GAB1: variants seen among roughly 807,000 people sequenced by gnomAD.
GAB1 encodes GRB2-associated-binding protein 1.
A neutral mutation model predicts 66.5 loss-of-function variants in GAB1; 19 were observed. That is an observed-to-expected ratio of 0.29 (90% CI 0.20 to 0.42). GAB1 has a LOEUF of 0.42. GAB1 is among the 10% of genes least tolerant of loss of function. GAB1 has a pLI of 1.00. For synonymous variants in GAB1, 294 were observed against 301.4 expected (o/e 0.98, Z 0.25); for missense variants, 732 against 858.5 (o/e 0.85, Z 1.84).
At chr4:143,417,774 A>G (rs888258979) in intron 2 of GAB1, among the ~76,000 whole-genome samples, 1 of 152,166 alleles carries the variant, frequency 6.6e-6, no homozygotes, top group Non-Finnish European at 1.5e-5. Context: ...ACAAACGCTC[A>G]ACATGTAGGT....
At chr4:143,383,877 C>A (rs1730766108) in intron 1 of GAB1, among the ~76,000 whole-genome samples, 1 of 152,070 alleles carries the variant, frequency 6.6e-6, no homozygotes, top group Non-Finnish European at 1.5e-5. Flanking sequence ...GAGTTCGAGA[C>A]CAGCTTGGTC....
intron 1 of GAB1, among the ~76,000 whole-genome samples, chr4:143,347,369 A>T (rs1729022724): frequency 6.6e-6 from 1 of 152,232 alleles, no homozygotes; most frequent in Non-Finnish European, 1.5e-5. Context: ...GATTTGCATT[A>T]CAAAAACAAT....
At chr4:143,439,982 G>A in intron 5 of GAB1, 95 bp downstream of exon 5, 1 of 1,405,610 alleles carries the variant, frequency 7.1e-7, no homozygotes, top group Non-Finnish European at 1.0e-6. Context: ...TGAAATAAAA[G>A]TACGCTGAGA....
At chr4:143,357,893 A>C (rs1004823222) in intron 1 of GAB1, among the ~76,000 whole-genome samples, 1 of 151,976 alleles carries the variant, frequency 6.6e-6, no homozygotes, top group Non-Finnish European at 1.5e-5. Context: ...AATTATCAGA[A>C]AGAGGGAAGA....
intron 3 of GAB1, among the ~76,000 whole-genome samples, chr4:143,436,734 A>G (rs1733960541): frequency 1.3e-5 from 2 of 152,208 alleles, no homozygotes; most frequent in South Asian, 4.1e-4. Flanking sequence ...CAGTCAACTT[A>G]AGAAGTAAAT....
chr4:143,338,274 AT>A (rs1157203613), intron 1 of GAB1, among the ~76,000 whole-genome samples: 2 of 152,192 alleles, frequency 1.3e-5, no homozygotes, highest in African/African-American at 4.8e-5. Context: ...TGGATCAAAT[AT>A]TTTTCTAGTA....
rs1174851842 is a variant in GAB1 at position 143,359,425 on chromosome 4, T to C, written c.72+22165T>C. Among the ~76,000 whole-genome samples, 3 of 152,202 alleles carry C rather than the reference T, an allele frequency of 2.0e-5. No individual in the cohort carries two copies. The East Asian group carries it at 5.8e-4, about 29-fold the overall frequency. ...TACCCAATATGAAAACAGTAAAGGCTAGACAAGTCCTGTTCTCCTCCTCCC... is the reference window on the plus strand; with the variant it reads ...TACCCAATATGAAAACAGTAAAGGCCAGACAAGTCCTGTTCTCCTCCTCCC... On this transcript the variant is annotated intron_variant, in intron 1 of 9. Coordinates refer to ENST00000262994, the MANE Select transcript of GAB1 (RefSeq NM_002039.4).
chr4:143,429,465 G>A (rs1578702136), intron 2 of GAB1, among the ~76,000 whole-genome samples: 1 of 152,108 alleles, frequency 6.6e-6, no homozygotes, highest in Non-Finnish European at 1.5e-5. Context: ...GTCTCAGATA[G>A]GACTTTCTAA....
chr4:143,377,980 A>G (rs1320610067), intron 1 of GAB1, among the ~76,000 whole-genome samples: 6 of 152,340 alleles, frequency 3.9e-5, no homozygotes, highest in African/African-American at 1.2e-4. Context: ...ATGATAGTAT[A>G]GTACACGTGG....
intron 6 of GAB1, among the ~76,000 whole-genome samples, chr4:143,446,751 T>C (rs949745090): frequency 6.6e-6 from 1 of 152,116 alleles, no homozygotes; most frequent in African/African-American, 2.4e-5. Context: ...AGTTGCCTGT[T>C]CACTCTGATG....
At chr4:143,352,405 GA>G (rs748454272) in intron 1 of GAB1, among the ~76,000 whole-genome samples, 2 of 152,174 alleles carry the variant, frequency 1.3e-5, no homozygotes, top group Non-Finnish European at 2.9e-5. Flanking sequence ...ATTTTAGAAG[GA>G]AGGCAAATAG....
chr4:143,406,583 C>G (rs956592792), intron 1 of GAB1, among the ~76,000 whole-genome samples: 1 of 152,236 alleles, frequency 6.6e-6, no homozygotes, highest in African/African-American at 2.4e-5. Context: ...GGAGTGAACT[C>G]TGTGTCCCGA....
intron 1 of GAB1, among the ~76,000 whole-genome samples, chr4:143,344,283 A>G (rs1243781514): frequency 1.3e-5 from 2 of 152,108 alleles, no homozygotes; most frequent in Non-Finnish European, 2.9e-5. Flanking sequence ...GGAGAGAATA[A>G]CACCAACGGA....
chr4:143,368,547 A>C (rs1205324777), intron 1 of GAB1, among the ~76,000 whole-genome samples: 1 of 152,198 alleles, frequency 6.6e-6, no homozygotes, highest in Non-Finnish European at 1.5e-5. Flanking sequence ...ATGCAATTTA[A>C]AATGTTTTAA....
chr4:143,366,140 G>A (rs75290975), intron 1 of GAB1, among the ~76,000 whole-genome samples: 32 of 152,306 alleles, frequency 2.1e-4, no homozygotes, highest in Admixed American at 5.9e-4. Flanking sequence ...ATCGAAATTA[G>A]CCTCATAGTC....
chr4:143,376,745 A>G (rs1730435808), intron 1 of GAB1: 1 of 152,264 alleles, frequency 6.6e-6, no homozygotes, highest in African/African-American at 2.4e-5. Context: ...ACTCATCTCA[A>G]TAACCAAGAG....
chr4:143,449,070 G>T (rs1417559919), intron 6 of GAB1, among the ~76,000 whole-genome samples: 1 of 150,328 alleles, frequency 6.7e-6, no homozygotes, highest in African/African-American at 2.5e-5. Flanking sequence ...TCAGGAGCAG[G>T]TTGTTCAGTT....
chr4:143,452,883 AAG>A (rs1454474777), intron 6 of GAB1, among the ~76,000 whole-genome samples: 12 of 152,328 alleles, frequency 7.9e-5, no homozygotes, highest in African/African-American at 2.9e-4. Flanking sequence ...CTCAGAATTT[AAG>A]AGTCACCAAA....
chr4:143,384,306 T>C (rs62337526), intron 1 of GAB1, among the ~76,000 whole-genome samples: 6,532 of 152,310 alleles, frequency 0.043, 151 homozygotes, highest in African/African-American at 0.053. Flanking sequence ...TAATTAGCTG[T>C]TCATGAAGTT....
Sources: allele counts gnomAD v4.1 joint callset (sites outside exome capture counted in the v4.1 genomes callset), GRCh38; gene constraint gnomAD v4.1.1; transcripts MANE v1.5; gene names NCBI Gene and HGNC (gene_info 2026-07-23, HGNC 2026-07-21).